The following FLT1 variants were observed in gnomAD, a reference collection of about 807,000 sequenced individuals.
FLT1 encodes the protein fms related receptor tyrosine kinase 1.
FLT1 carries 49 observed loss-of-function variants against 156.3 expected under a neutral mutation model. The observed-to-expected ratio is 0.31, with a 90% confidence interval of 0.25 to 0.40. The LOEUF (loss-of-function observed/expected upper bound fraction) is 0.40. FLT1 is among the 10% of genes least tolerant of loss of function. The probability of loss-of-function intolerance (pLI) is 1.00; values close to 1 mark genes in which losing one functional copy is unlikely to be tolerated. For synonymous variants in FLT1, 594 were observed against 583.8 expected (o/e 1.02, Z -0.25); for missense variants, 1,322 against 1,637.2 (o/e 0.81, Z 3.32).
At chr13:28,399,035 C>T (rs1875254243) in intron 11 of FLT1, 5 of 1,540,850 alleles carry the variant, frequency 3.2e-6, no homozygotes, top group South Asian at 2.4e-5. Flanking sequence ...TGTACCCACC[C>T]GTTTAGAGTC....
At chr13:28,476,812 TC>T (rs1423621132) in intron 1 of FLT1, among the ~76,000 whole-genome samples, 1 of 152,254 alleles carries the variant, frequency 6.6e-6, no homozygotes, top group Non-Finnish European at 1.5e-5. Flanking sequence ...GCAATTATGT[TC>T]ATTTCAATAA....
chr13:28,319,053 G>A (rs1348474071), intron 24 of FLT1, among the ~76,000 whole-genome samples: 1 of 152,178 alleles, frequency 6.6e-6, no homozygotes, highest in Non-Finnish European at 1.5e-5. Flanking sequence ...TGAGGTGGTG[G>A]GAGACGCGGG....
At chr13:28,334,237 T>A in intron 17 of FLT1, 108 bp from the exon 18 acceptor site, 2 of 803,984 alleles carry the variant, frequency 2.5e-6, no homozygotes, top group East Asian at 4.8e-5. Flanking sequence ...AGGCATGGAA[T>A]CTCCAGTGAA....
chr13:28,398,248 T>C (rs1479834967), intron 11 of FLT1, among the ~76,000 whole-genome samples: 1 of 152,178 alleles, frequency 6.6e-6, no homozygotes, highest in Non-Finnish European at 1.5e-5. Context: ...GGCTTTGAAA[T>C]TGCAGAGGCT....
intron 1 of FLT1, among the ~76,000 whole-genome samples, chr13:28,487,419 C>G (rs922743254): frequency 6.6e-6 from 1 of 152,188 alleles, no homozygotes; most frequent in Non-Finnish European, 1.5e-5. Context: ...ACAAAAGAAT[C>G]TGATAATTGT....
rs757138085 is a variant in FLT1, at chr13:28,430,062, G to A, written c.1094C>T (p.Pro365Leu). The A allele has an allele frequency of 1.1e-5, 17 of 1,609,398 alleles. No individual in the cohort carries two copies. In the Admixed American group the frequency reaches 1.3e-4, roughly 13 times the overall value. Residue 365 changes from proline (P) to leucine (L), a missense_variant, in exon 8 of 30, where the codon CCG becomes CTG. Around this residue, in one of 3 missense-constraint regions of FLT1, gnomAD observed 991 missense variants for 1,254.8 expected, o/e 0.79. Coordinates refer to ENST00000282397, the MANE Select transcript of FLT1 (RefSeq NM_002019.4). ...AGGATGGTCCTACCATACAACTTCCGGCGAGGGAAATGCCTTCACTTTCAT... is the reference window on the plus strand; with the variant it reads ...AGGATGGTCCTACCATACAACTTCCAGCGAGGGAAATGCCTTCACTTTCAT... ...LSMKVKAFPS[P>L]EVVWLKDGLP...
chr13:28,469,852 CA>C lies in FLT1; in HGVS notation c.65-2236del, dbSNP rs1200267923. ...CTCTGCAACCTCTGCCTGCCAGGTT[CA>C]AGCGATTCTCGTGCCTCAGCCTCCT... On this transcript the variant is annotated intron_variant, in intron 1 of 29. Coordinates refer to ENST00000282397, the MANE Select transcript of FLT1 (RefSeq NM_002019.4). 3.3e-5 allele frequency among the ~76,000 whole-genome samples: 5 copies of C among 152,110 alleles called. No homozygotes were observed. In the East Asian group the frequency reaches 9.6e-4, roughly 29 times the overall value.
intron 13 of FLT1, chr13:28,387,999 T>G: frequency 1.9e-6 from 2 of 1,060,378 alleles, no homozygotes; most frequent in Non-Finnish European, 2.3e-6. Context: ...TTCACCATTT[T>G]GTTTTCATAA....
intron 14 of FLT1, among the ~76,000 whole-genome samples, chr13:28,374,128 A>T (rs1421845342): frequency 6.6e-6 from 1 of 152,196 alleles, no homozygotes; most frequent in Admixed American, 6.5e-5. Flanking sequence ...AACATTGTAA[A>T]TGTACTTAGT....
At chr13:28,413,404 C>T (rs972171302) in intron 10 of FLT1, among the ~76,000 whole-genome samples, 3 of 150,024 alleles carry the variant, frequency 2.0e-5, no homozygotes, top group Admixed American at 6.7e-5. Context: ...TCCCTCCCAG[C>T]TCCCCACTCT....
Position 28,321,485 on chromosome 13 carries a change from G to A in FLT1, c.3152C>T (p.Pro1051Leu). The A allele has an allele frequency of 1.2e-6, 2 of 1,614,028 alleles. No homozygotes were observed. The highest frequency in any genetic ancestry group is 1.7e-6 in the Non-Finnish European group (2 of 1,179,992). Residue 1051 changes from proline to leucine, a missense_variant, in exon 23 of 30, where the codon CCC (proline) becomes CTC (leucine). Physicochemically the swap from Pro to Leu is moderately conservative, Grantham distance 98. Around this residue, in one of 3 missense-constraint regions of FLT1, gnomAD observed 329 missense variants for 366.2 expected, o/e 0.90. Transcript: ENST00000282397. ...TACATCTCCTTTTCTCACATAATCG[G>A]GGTTCTTATAAATATCCCGGGCAAG... Reference protein sequence around the residue: ...FGLARDIYKNPDYVRKGDTRL... With the variant: ...FGLARDIYKNLDYVRKGDTRL...
intron 15 of FLT1, among the ~76,000 whole-genome samples, chr13:28,348,555 G>A (rs1872637887): frequency 6.6e-6 from 1 of 152,122 alleles, no homozygotes; most frequent in African/African-American, 2.4e-5. Flanking sequence ...ATCAGCTTGG[G>A]CGAATGAATG....
chr13:28,370,144 AC>A (rs1263204960), intron 14 of FLT1, among the ~76,000 whole-genome samples: 4 of 152,152 alleles, frequency 2.6e-5, no homozygotes, highest in Non-Finnish European at 5.9e-5. Flanking sequence ...TGGTGACGCC[AC>A]TGCCTTCCAG....
chr13:28,380,853 C>T (rs1280038682), intron 14 of FLT1, among the ~76,000 whole-genome samples: 1 of 152,124 alleles, frequency 6.6e-6, no homozygotes, highest in East Asian at 1.9e-4. Context: ...GACTATGGGC[C>T]AGCTTACGTT....
At chr13:28,378,693 A>G (rs1288767037) in intron 14 of FLT1, among the ~76,000 whole-genome samples, 1 of 152,224 alleles carries the variant, frequency 6.6e-6, no homozygotes, top group East Asian at 1.9e-4. Flanking sequence ...AAGCAAACAA[A>G]TTAGCATTAG....
chr13:28,303,111 T>C lies in FLT1; in HGVS notation c.*56A>G. ...TATGCATAATACTGGCAAAAGCTAG[T>C]TTCCTGGGGGTATAAATACACATGT... On this transcript the variant is annotated 3_prime_UTR_variant, in exon 30 of 30. Transcript: ENST00000282397. 4 of 1,516,882 alleles carry C rather than the reference T, an allele frequency of 2.6e-6. No homozygotes were observed. The Admixed American group carries it at 6.7e-5, about 25-fold the overall frequency. The allele number at this position is 1,516,882 out of a possible 1,614,324, so 94.0% of individuals were successfully genotyped here.
At chr13:28,427,430 C>A (rs1436861929) in intron 9 of FLT1, 112 bp from the exon 10 acceptor site, 20 of 1,024,594 alleles carry the variant, frequency 2.0e-5, no homozygotes, top group Admixed American at 1.4e-4. Context: ...GGGAAACAAA[C>A]AAGAAACAAA....
chr13:28,465,584 T>G (rs1289782612), intron 3 of FLT1, among the ~76,000 whole-genome samples: 1 of 152,198 alleles, frequency 6.6e-6, no homozygotes, highest in Non-Finnish European at 1.5e-5. Context: ...AGCTCATGCC[T>G]GTAATCCCAA....
chr13:28,425,304 G>T (rs188977557), intron 10 of FLT1, among the ~76,000 whole-genome samples: 47 of 152,250 alleles, frequency 3.1e-4, no homozygotes, highest in African/African-American at 1.1e-3. Flanking sequence ...AAAATGCCTT[G>T]AACAGAGAAT....
Sources: gnomAD v4.1 joint callset for allele counts (sites outside exome capture counted in the v4.1 genomes callset) on GRCh38, gnomAD v4.1.1 for gene constraint, gnomAD v4.1.1 regional missense constraint, MANE v1.5 for transcripts, NCBI Gene and HGNC (gene_info 2026-07-23, HGNC 2026-07-21) for gene names.